Variants in ELAVL2 observed in about 807,000 individuals in gnomAD.
ELAVL2 encodes the protein ELAV-like protein 2.
In ELAVL2, 4 loss-of-function variants were observed where a neutral mutation model predicts 34.6. That is an observed-to-expected ratio of 0.12 (90% CI 0.06 to 0.26). ELAVL2 has a LOEUF of 0.26. Ranked by LOEUF, ELAVL2 falls within the 10% of genes least tolerant of loss-of-function variation. The pLI, the probability that ELAVL2 is intolerant of heterozygous loss-of-function variation, is 1.00. For synonymous variants in ELAVL2, 193 were observed against 154.8 expected, an observed-to-expected ratio of 1.25 and a Z score of -1.83; for missense variants, 432 against 442.8, an observed-to-expected ratio of 0.98 and a Z score of 0.22.
the ELAVL2 span, among the ~76,000 whole-genome samples, chr9:23,844,718 T>G: frequency 6.6e-6 from 1 of 151,970 alleles, no homozygotes; most frequent in Admixed American, 6.6e-5. Context: ...TTTAAAAAAT[T>G]AAAAGCATTA....
At chr9:23,844,226 A>G in the ELAVL2 span, among the ~76,000 whole-genome samples, 1 of 152,000 alleles carries the variant, frequency 6.6e-6, no homozygotes, top group African/African-American at 2.4e-5. Flanking sequence ...CTACGTTATA[A>G]CCATCTGTTG....
At chr9:23,825,629 T>C (rs2065253363) in intron 1 of ELAVL2, among the ~76,000 whole-genome samples, 177 bp downstream of exon 1, 4 of 152,180 alleles carry the variant, frequency 2.6e-5, no homozygotes, top group South Asian at 2.1e-4. Context: ...ACGCTAAGCA[T>C]GCGTCCACCG....
chr9:23,798,330 C>G (rs182642086), intron 1 of ELAVL2, among the ~76,000 whole-genome samples: 1 of 152,308 alleles, frequency 6.6e-6, no homozygotes, highest in East Asian at 1.9e-4. Context: ...TGTTACTGTG[C>G]ACTCTGAAGC....
chr9:23,695,828 C>G (rs542081570), intron 5 of ELAVL2, among the ~76,000 whole-genome samples: 1 of 152,088 alleles, frequency 6.6e-6, no homozygotes, highest in Non-Finnish European at 1.5e-5. Flanking sequence ...TATTATGGTA[C>G]CACGGTCGTA....
At chr9:23,803,993 CA>C (rs2061893767) in intron 1 of ELAVL2, among the ~76,000 whole-genome samples, 1 of 152,132 alleles carries the variant, frequency 6.6e-6, no homozygotes, top group Non-Finnish European at 1.5e-5. Flanking sequence ...TGAATGCTAA[CA>C]AACAGCTCAT....
chr9:23,833,380 C>T, the ELAVL2 span, among the ~76,000 whole-genome samples: 6 of 151,574 alleles, frequency 4.0e-5, no homozygotes, highest in African/African-American at 7.3e-5. Flanking sequence ...TTTTCTTAAT[C>T]AAATTGAAAA....
At position 23,692,632 on chromosome 9, in the gene ELAVL2, A is replaced by G. The variant is rs562782330; in HGVS notation, c.1005T>C (p.Ala335=). ...TNYDEAAMAI[A]SLNGYRLGDR... is the part of the protein sequence containing the mutation. Reference sequence around the variant, plus strand: ...CTCCCAGACGGTATCCATTGAGGCTAGCTATCGCCATGGCAGCCTCATCAT... The same window carrying G: ...CTCCCAGACGGTATCCATTGAGGCTGGCTATCGCCATGGCAGCCTCATCAT... The change falls in exon 7 of 7, where the codon GCT becomes GCC. Residue 335 remains alanine, a synonymous_variant. Coordinates refer to ENST00000397312, the MANE Select transcript of ELAVL2 (RefSeq NM_004432.5). 2.5e-6 allele frequency: 4 copies of G among 1,614,200 alleles called. No individual in the cohort carries two copies. The highest frequency in any genetic ancestry group is 3.4e-6 in the Non-Finnish European group (4 of 1,180,004).
chr9:23,797,073 T>C (rs891404091), intron 1 of ELAVL2, among the ~76,000 whole-genome samples: 3 of 152,290 alleles, frequency 2.0e-5, no homozygotes, highest in African/African-American at 4.8e-5. Flanking sequence ...CTGACCTTTA[T>C]GCTTCAATGT....
the ELAVL2 span, among the ~76,000 whole-genome samples, chr9:23,850,516 G>T: frequency 4.6e-5 from 7 of 152,136 alleles, no homozygotes; most frequent in Non-Finnish European, 7.4e-5. Flanking sequence ...CAATAGCCCC[G>T]GCTGGGTGCA....
At chr9:23,829,651 T>C (rs1384602439), upstream of ELAVL2, 1 of 152,194 alleles carries the variant, frequency 6.6e-6, no homozygotes, top group Non-Finnish European at 1.5e-5. Flanking sequence ...GATTACTCTT[T>C]TATTTATTCT....
intron 1 of ELAVL2, among the ~76,000 whole-genome samples, chr9:23,803,259 C>T (rs897906121): frequency 1.3e-5 from 2 of 152,126 alleles, no homozygotes; most frequent in African/African-American, 4.8e-5. Context: ...TTTACATAAA[C>T]ATTGTCGGGG....
At chr9:23,776,109 G>T (rs992396600) in intron 1 of ELAVL2, among the ~76,000 whole-genome samples, 2 of 152,146 alleles carry the variant, frequency 1.3e-5, no homozygotes, top group African/African-American at 2.4e-5. Flanking sequence ...TTGCAACCCT[G>T]TATAGCTGGA....
chr9:23,692,919 C>T (rs1045724614), intron 6 of ELAVL2, 35 bp from the exon 7 acceptor site: 2 of 1,579,586 alleles, frequency 1.3e-6, no homozygotes, highest in African/African-American at 2.7e-5. Context: ...CACATACACA[C>T]AAAAAATAAA....
chr9:23,836,651 G>A, the ELAVL2 span, among the ~76,000 whole-genome samples: 2 of 152,064 alleles, frequency 1.3e-5, no homozygotes, highest in South Asian at 4.1e-4. Flanking sequence ...AATTGGGTGT[G>A]TGTGCATGCA....
At position 23,780,112 on chromosome 9, in the gene ELAVL2, C is replaced by T. The variant is rs530062139; in HGVS notation, c.-15-17863G>A. 9.5e-5 allele frequency among the ~76,000 whole-genome samples: 14 copies of T among 146,962 alleles called. No individual in the cohort carries two copies. In the Middle Eastern group the frequency reaches 0.015, roughly 157 times the overall value. On this transcript the variant is annotated intron_variant, in intron 1 of 6. Coordinates refer to ENST00000397312, the MANE Select transcript of ELAVL2 (RefSeq NM_004432.5). The stretch of plus-strand genomic sequence containing the variant: ...AAATCTGCAGAGAATATCATCTATT[C>T]TACAAAACCTCACACATAACTTAGG...
intron 2 of ELAVL2, among the ~76,000 whole-genome samples, chr9:23,758,840 A>C (rs1387780545): frequency 6.6e-6 from 1 of 152,076 alleles, no homozygotes; most frequent in Non-Finnish European, 1.5e-5. Context: ...TAAATAAAGA[A>C]CTACAGAGTG....
At chr9:23,717,800 T>C (rs1429029792) in intron 3 of ELAVL2, among the ~76,000 whole-genome samples, 4 of 152,222 alleles carry the variant, frequency 2.6e-5, no homozygotes, top group Non-Finnish European at 5.9e-5. Flanking sequence ...TCTTGTCTTA[T>C]TTTAATGCTG....
At chr9:23,699,752 C>T (rs1418887749) in intron 5 of ELAVL2, among the ~76,000 whole-genome samples, 1 of 150,928 alleles carries the variant, frequency 6.6e-6, no homozygotes, top group South Asian at 2.1e-4. Flanking sequence ...ATCAGGCAGC[C>T]CCACGCATCT....
intron 1 of ELAVL2, among the ~76,000 whole-genome samples, chr9:23,813,017 G>A (rs191075221): frequency 2.1e-4 from 32 of 152,212 alleles, no homozygotes; most frequent in Admixed American, 1.7e-3. Context: ...AACTAGAAAT[G>A]TAAGTGCTTA....
Sources: gnomAD v4.1 joint callset for allele counts (sites outside exome capture counted in the v4.1 genomes callset) on GRCh38, gnomAD v4.1.1 for gene constraint, MANE v1.5 for transcripts, NCBI Gene and HGNC (gene_info 2026-07-23, HGNC 2026-07-21) for gene names.